EXOC6B: variants seen among roughly 807,000 people sequenced by gnomAD.
EXOC6B encodes the protein SEC15 homolog B.
A neutral mutation model predicts 113.5 loss-of-function variants in EXOC6B; 54 were observed. The observed-to-expected ratio is 0.48, with a 90% CI of 0.38 to 0.60. EXOC6B has a LOEUF of 0.60. Ranked by LOEUF, EXOC6B falls within the 20% of genes least tolerant of loss-of-function variation. EXOC6B has a pLI of 0.00. For synonymous variants in EXOC6B, 357 were observed against 339.0 expected, an observed-to-expected ratio of 1.05 and a Z score of -0.58; for missense variants, 797 against 977.5, an observed-to-expected ratio of 0.82 and a Z score of 2.46.
intron 18 of EXOC6B, among the ~76,000 whole-genome samples, chr2:72,427,155 G>T (rs766950946): frequency 6.6e-6 from 1 of 152,178 alleles, no homozygotes; most frequent in Admixed American, 6.5e-5. Context: ...GGAGCCAGCC[G>T]CCCCGTGGCC....
At chr2:72,258,335 C>CTTTTATT (rs1683479550) in intron 20 of EXOC6B, among the ~76,000 whole-genome samples, 1 of 144,978 alleles carries the variant, frequency 6.9e-6, no homozygotes, top group African/African-American at 2.5e-5. Flanking sequence ...TCTATGAATG[C>CTTTTATT]TTTTATTTTT....
chr2:72,397,044 C>CAAT (rs1465923070), intron 18 of EXOC6B, among the ~76,000 whole-genome samples: 4 of 151,556 alleles, frequency 2.6e-5, no homozygotes, highest in East Asian at 1.9e-4. Context: ...CCTTATACCC[C>CAAT]AATAATAATA....
intron 18 of EXOC6B, among the ~76,000 whole-genome samples, chr2:72,457,351 A>C (rs1398141959): frequency 6.6e-6 from 1 of 152,146 alleles, no homozygotes; most frequent in African/African-American, 2.4e-5. Flanking sequence ...ACTTTTATGT[A>C]GGAAATAATT....
At chr2:72,212,297 G>C (rs1029278075) in intron 20 of EXOC6B, among the ~76,000 whole-genome samples, 1 of 152,132 alleles carries the variant, frequency 6.6e-6, no homozygotes, top group African/African-American at 2.4e-5. Context: ...CACAATTCTA[G>C]TTTCTTGGGG....
At chr2:72,217,672 G>A (rs184234868) in intron 20 of EXOC6B, among the ~76,000 whole-genome samples, 2 of 152,278 alleles carry the variant, frequency 1.3e-5, no homozygotes, top group African/African-American at 2.4e-5. Context: ...GGAGGTCAGG[G>A]AAAATGATAA....
chr2:72,293,784 T>C lies in EXOC6B; in HGVS notation c.2196+41163A>G, dbSNP rs552756084. Among the ~76,000 whole-genome samples the C allele has an allele frequency of 7.2e-5, 11 of 152,228 alleles. 1 individual carries two copies. The highest frequency in any genetic ancestry group is 2.6e-4 in the African/African-American group (11 of 41,546). On this transcript the variant is annotated intron_variant, in intron 20 of 21. Coordinates refer to ENST00000272427, the MANE Select transcript of EXOC6B (RefSeq NM_015189.3). ...TTCTGATATTTCTGGGGACACTATA[T>C]GGCAAACAAACCCAAGTAGACAAGA...
intron 1 of EXOC6B, among the ~76,000 whole-genome samples, chr2:72,761,930 T>C (rs918564128): frequency 2.6e-5 from 4 of 151,664 alleles, no homozygotes; most frequent in Admixed American, 6.6e-5. Flanking sequence ...CTGAGCAACA[T>C]ACTGCTCATC....
At chr2:72,748,619 T>C (rs984818078) in intron 1 of EXOC6B, among the ~76,000 whole-genome samples, 2 of 152,016 alleles carry the variant, frequency 1.3e-5, no homozygotes, top group Non-Finnish European at 2.9e-5. Flanking sequence ...TACATTCAAA[T>C]CCTTTTTCCA....
chr2:72,482,808 C>G (rs1699181483), intron 16 of EXOC6B, among the ~76,000 whole-genome samples: 1 of 152,108 alleles, frequency 6.6e-6, no homozygotes, highest in African/African-American at 2.4e-5. Context: ...AAAAGTGTAC[C>G]TTCTACTCCA....
At chr2:72,398,355 C>A (rs1250585158) in intron 18 of EXOC6B, among the ~76,000 whole-genome samples, 1 of 152,098 alleles carries the variant, frequency 6.6e-6, no homozygotes, top group Admixed American at 6.5e-5. Flanking sequence ...CAGACACAAA[C>A]TGAACCTACA....
intron 7 of EXOC6B, among the ~76,000 whole-genome samples, chr2:72,562,571 A>G (rs1388435088): frequency 6.6e-6 from 1 of 152,196 alleles, no homozygotes; most frequent in Non-Finnish European, 1.5e-5. Flanking sequence ...AACAAAAGCC[A>G]TGACTCCTTC....
chr2:72,426,976 G>A (rs1047852406), intron 18 of EXOC6B, among the ~76,000 whole-genome samples: 9 of 152,196 alleles, frequency 5.9e-5, no homozygotes, highest in African/African-American at 2.2e-4. Flanking sequence ...GCAGCCAGAC[G>A]GGATGGGCTC....
chr2:72,572,410 T>C (rs574994729), intron 7 of EXOC6B, among the ~76,000 whole-genome samples: 13 of 152,296 alleles, frequency 8.5e-5, no homozygotes, highest in Admixed American at 2.6e-4. Context: ...GTTCTTAAGT[T>C]GGGTCCTAGG....
In EXOC6B at chr2:72,379,811, C is replaced by T; in HGVS notation, c.2040G>A (p.Met680Ile). 6.2e-7 allele frequency: 1 copy of T among 1,613,264 alleles called. No homozygotes were observed. The highest frequency in any genetic ancestry group is 8.5e-7 in the Non-Finnish European group (1 of 1,179,598). Residue 680 changes from methionine (M) to isoleucine (I), a missense_variant, in exon 19 of 22, where the codon ATG becomes ATA. Transcript: ENST00000272427. ...SACKHLATSL[M>I]QLLLEAEVRQ... ...GCACTTCAGCTTCCAACAAAAGTTG[C>T]ATCAAGGATGTGGCTAAATGCTTGC...
intron 6 of EXOC6B, among the ~76,000 whole-genome samples, chr2:72,666,780 GACACACACACACACACAC>G (rs71404724): frequency 1.2e-5 from 1 of 81,160 alleles, no homozygotes; most frequent in African/African-American, 2.8e-5. Context: ...ATTTACAATA[GACACACACACACACACAC>G]ACACACACAC....
intron 1 of EXOC6B, among the ~76,000 whole-genome samples, chr2:72,763,228 CCT>C (rs796902831): frequency 4.3e-4 from 66 of 152,064 alleles, no homozygotes; most frequent in African/African-American, 1.5e-3. Flanking sequence ...TAAATTATCT[CCT>C]CTTATCCTGT....
chr2:72,826,003 C>G lies in EXOC6B; in HGVS notation c.-93G>C. The G allele has an allele frequency of 6.6e-7, 1 of 1,512,266 alleles. No individual in the cohort carries two copies. Among genetic ancestry groups the G allele is most frequent in the African/African-American group, 1.4e-5 (1 of 72,774 alleles). The allele number at this position is 1,512,266 out of a possible 1,614,324, so 93.7% of individuals were successfully genotyped here. A position where few individuals can be genotyped will look rare whatever the true frequency, so the allele number is the denominator to read the frequency against. On this transcript the variant is annotated 5_prime_UTR_variant, in exon 1 of 22. Coordinates refer to ENST00000272427, the MANE Select transcript of EXOC6B (RefSeq NM_015189.3). ...CCGCTCCCACCACAGGCTCCACAGC[C>G]GCCCCAGCCTCTGGCTACCCGCAGG...
intron 6 of EXOC6B, among the ~76,000 whole-genome samples, chr2:72,590,660 T>C (rs1705882900): frequency 6.6e-6 from 1 of 152,014 alleles, no homozygotes. Flanking sequence ...TCTTTCTTCC[T>C]TCCATAATCT....
chr2:72,261,046 G>A (rs905988865), intron 20 of EXOC6B, among the ~76,000 whole-genome samples: 57 of 152,082 alleles, frequency 3.7e-4, no homozygotes, highest in African/African-American at 1.3e-3. Flanking sequence ...AAACTAAGCA[G>A]TTCCAAACAT....
Sources: allele counts gnomAD v4.1 joint callset (sites outside exome capture counted in the v4.1 genomes callset), GRCh38; gene constraint gnomAD v4.1.1; transcripts MANE v1.5; gene names NCBI Gene and HGNC (gene_info 2026-07-23, HGNC 2026-07-21).